CUL2: variants seen among roughly 807,000 people sequenced by gnomAD.
The protein encoded by CUL2 is cullin 2.
CUL2 carries 22 observed loss-of-function variants against 110.2 expected under a neutral mutation model. The ratio of observed to expected loss-of-function variants is 0.20; its 90% CI spans 0.14 to 0.28. The LOEUF (loss-of-function observed/expected upper bound fraction) is 0.28. Among genes scored for constraint, CUL2 ranks in the 10% least tolerant of loss-of-function variants. CUL2 has a pLI of 1.00. For missense variants in CUL2, 631 were observed against 905.5 expected, an observed-to-expected ratio of 0.70 and a Z score of 3.89; for synonymous variants, 279 against 293.2, an observed-to-expected ratio of 0.95 and a Z score of 0.49.
chr10:35,114,523 C>T (rs561822669), intron 1 of CUL2, among the ~76,000 whole-genome samples: 6 of 151,996 alleles, frequency 3.9e-5, no homozygotes, highest in Admixed American at 2.0e-4. Flanking sequence ...GCTGGGATTA[C>T]AGGCGCCCGC....
chr10:35,024,224 C>T (rs2085281235), intron 17 of CUL2, among the ~76,000 whole-genome samples: 1 of 152,062 alleles, frequency 6.6e-6, no homozygotes, highest in South Asian at 2.1e-4. Flanking sequence ...ATTAGAATGT[C>T]CAACTTGCTC....
chr10:35,109,278 C>T (rs2087500244), intron 1 of CUL2, among the ~76,000 whole-genome samples: 1 of 152,090 alleles, frequency 6.6e-6, no homozygotes, highest in Admixed American at 6.6e-5. Context: ...AAAAACCTGA[C>T]CGTCATTTCA....
chr10:35,112,042 A>G (rs1481990508), intron 1 of CUL2, among the ~76,000 whole-genome samples: 1 of 152,228 alleles, frequency 6.6e-6, no homozygotes, highest in Non-Finnish European at 1.5e-5. Context: ...CTCCTTGTAT[A>G]AACTCACAAC....
At chr10:35,116,768 C>T (rs538744026) in intron 1 of CUL2, among the ~76,000 whole-genome samples, 3 of 152,148 alleles carry the variant, frequency 2.0e-5, no homozygotes, top group African/African-American at 7.2e-5. Flanking sequence ...AGATTGAGAC[C>T]ATCCTGGTGA....
intron 4 of CUL2, among the ~76,000 whole-genome samples, chr10:35,060,308 A>G (rs2086349063): frequency 6.6e-6 from 1 of 152,260 alleles, no homozygotes; most frequent in African/African-American, 2.4e-5. Context: ...AGAAAAATAG[A>G]AAAAGAAAGA....
rs116873365 is a variant in CUL2 at position 35,102,316 on chromosome 10, A to G, written c.-50-1256T>C. Among the ~76,000 whole-genome samples the G allele has an allele frequency of 1.3e-3, 202 of 152,124 alleles. 2 individuals are homozygous for G. In the East Asian group the frequency reaches 0.023, roughly 17 times the overall value. On this transcript the variant is annotated intron_variant, in intron 1 of 5. Coordinates refer to the CUL2 transcript ENST00000685421. ...GCTGGGTGCTGTGACTCACACCTGC[A>G]ATCCCAACACTTCGGGAAGCCAAGG...
At chr10:35,048,596 G>A (rs768227042) in intron 6 of CUL2, among the ~76,000 whole-genome samples, 5 of 152,164 alleles carry the variant, frequency 3.3e-5, no homozygotes, top group Non-Finnish European at 7.4e-5. Context: ...TAGAAGTTTT[G>A]TTGGGAGTGT....
chr10:35,019,242 G>A (rs1004672009), intron 17 of CUL2, among the ~76,000 whole-genome samples: 2 of 152,140 alleles, frequency 1.3e-5, no homozygotes, highest in Admixed American at 6.5e-5. Flanking sequence ...ATGCTGCCGT[G>A]GGTTTGAAAG....
chr10:35,009,654 A>C lies in CUL2; in HGVS notation c.*657T>G, dbSNP rs963879593. Reference sequence around the variant, plus strand: ...AAAATGTTTAGATCCAATATATCTAATCCATAAAAATAAAGCATTCTTTAT... The same window carrying C: ...AAAATGTTTAGATCCAATATATCTACTCCATAAAAATAAAGCATTCTTTAT... On this transcript the variant is annotated 3_prime_UTR_variant, in exon 21 of 21. Coordinates refer to ENST00000374749, the MANE Select transcript of CUL2 (RefSeq NM_003591.4). 6.6e-6 allele frequency: 1 copy of C among 152,406 alleles called. No homozygotes were observed. Among genetic ancestry groups the C allele is most frequent in the African/African-American group, 2.4e-5 (1 of 41,460 alleles). The allele number at this position is 152,406 out of a possible 1,614,324, so 9.4% of individuals were successfully genotyped here.
chr10:35,098,652 G>A (rs577611325), intron 2 of CUL2, among the ~76,000 whole-genome samples: 4 of 152,172 alleles, frequency 2.6e-5, no homozygotes, highest in Admixed American at 1.3e-4. Flanking sequence ...ATAAGCAGGC[G>A]GGGCACAGTG....
At chr10:35,093,583 T>A (rs141177816), upstream of CUL2, among the ~76,000 whole-genome samples, 1 of 145,178 alleles carries the variant, frequency 6.9e-6, no homozygotes, top group Non-Finnish European at 1.5e-5. Context: ...CACTTGAACC[T>A]GGGAGGCAGA....
At chr10:35,096,040 G>A (rs960235776) in intron 2 of CUL2, among the ~76,000 whole-genome samples, 1 of 151,946 alleles carries the variant, frequency 6.6e-6, no homozygotes, top group Non-Finnish European at 1.5e-5. Context: ...TCGAGGCCAG[G>A]ACCTTGAGAC....
At chr10:35,111,411 C>T (rs941078145) in intron 1 of CUL2, among the ~76,000 whole-genome samples, 1 of 151,962 alleles carries the variant, frequency 6.6e-6, no homozygotes, top group African/African-American at 2.4e-5. Flanking sequence ...ACCACCACGC[C>T]TAACTAAGAT....
intron 1 of CUL2, among the ~76,000 whole-genome samples, chr10:35,114,317 G>A (rs1049014870): frequency 3.3e-5 from 5 of 151,826 alleles, no homozygotes; most frequent in South Asian, 2.1e-4. Context: ...TCCCTACCTC[G>A]GCCTCCTCAA....
chr10:35,022,096 A>AG (rs1370489565), intron 17 of CUL2, among the ~76,000 whole-genome samples: 9 of 152,246 alleles, frequency 5.9e-5, no homozygotes, highest in African/African-American at 2.2e-4. Flanking sequence ...TCTTCCTACT[A>AG]GACATGAGTT....
At chr10:35,059,193 G>A (rs1387379721) in intron 4 of CUL2, among the ~76,000 whole-genome samples, 1 of 152,130 alleles carries the variant, frequency 6.6e-6, no homozygotes, top group African/African-American at 2.4e-5. Flanking sequence ...GTGGTGGCAG[G>A]GTTTGAGAGG....
intron 8 of CUL2, 50 bp downstream of exon 8, chr10:35,044,516 C>T: frequency 8.6e-7 from 1 of 1,162,906 alleles, no homozygotes; most frequent in Non-Finnish European, 1.2e-6. Context: ...TAAATAAAAC[C>T]AGGCCAGATA....
chr10:35,034,677 T>C (rs950913020), intron 10 of CUL2, among the ~76,000 whole-genome samples: 1 of 152,260 alleles, frequency 6.6e-6, no homozygotes, highest in African/African-American at 2.4e-5. Flanking sequence ...TCGAGAAAGA[T>C]GAGTATTAGG....
chr10:35,046,415 T>C (rs553760944), intron 6 of CUL2, among the ~76,000 whole-genome samples: 1 of 152,322 alleles, frequency 6.6e-6, no homozygotes, highest in East Asian at 1.9e-4. Flanking sequence ...TCTACATATG[T>C]GTACAACAGA....
Sources: allele counts gnomAD v4.1 joint callset (sites outside exome capture counted in the v4.1 genomes callset), GRCh38; gene constraint gnomAD v4.1.1; transcripts MANE v1.5; gene names NCBI Gene and HGNC (gene_info 2026-07-23, HGNC 2026-07-21).